The following VPS13B variants were observed in gnomAD, a reference collection of about 807,000 sequenced individuals.
The protein encoded by VPS13B is vacuolar protein sorting 13 homolog B.
A neutral mutation model predicts 426.4 loss-of-function variants in VPS13B; 285 were observed. That is an observed-to-expected ratio of 0.67 (90% CI 0.61 to 0.74). The LOEUF is 0.74. Among genes scored for constraint, VPS13B ranks in the 30% least tolerant of loss-of-function variants. The pLI is 0.00. For synonymous variants in VPS13B, 1,676 were observed against 1,676.4 expected, an observed-to-expected ratio of 1.00 and a Z score of 0.01; for missense variants, 4,537 against 4,782.6, an observed-to-expected ratio of 0.95 and a Z score of 1.51.
At chr8:99,616,254 A>G (rs1314281493) in intron 33 of VPS13B, among the ~76,000 whole-genome samples, 1 of 152,172 alleles carries the variant, frequency 6.6e-6, no homozygotes, top group Admixed American at 6.5e-5. Flanking sequence ...TGCAACAAAT[A>G]TTTATTGTAT....
At chr8:99,060,154 A>AT (rs1487143534) in intron 3 of VPS13B, among the ~76,000 whole-genome samples, 1 of 152,058 alleles carries the variant, frequency 6.6e-6, no homozygotes, top group African/African-American at 2.4e-5. Context: ...GTGTAGGTAA[A>AT]TTTTTTTCAA....
intron 36 of VPS13B, among the ~76,000 whole-genome samples, chr8:99,709,151 C>T (rs16897581): frequency 0.1 from 15,667 of 152,118 alleles, 899 homozygotes; most frequent in African/African-American, 0.15. Flanking sequence ...AATCAGCTTC[C>T]GGATGTATCT....
intron 36 of VPS13B, among the ~76,000 whole-genome samples, chr8:99,713,105 T>C (rs992563802): frequency 2.0e-5 from 3 of 152,338 alleles, no homozygotes; most frequent in Middle Eastern, 3.4e-3. Context: ...TCCTGCATAA[T>C]AGAGATACCT....
chr8:99,206,529 A>G (rs964339308), intron 17 of VPS13B, among the ~76,000 whole-genome samples: 1 of 152,210 alleles, frequency 6.6e-6, no homozygotes, highest in Non-Finnish European at 1.5e-5. Flanking sequence ...GTATGTCGTC[A>G]ACATTGACTT....
rs200288124 is a variant in VPS13B, at chr8:99,083,639, A to G, written c.292-12673A>G. On this transcript the variant is annotated intron_variant, in intron 3 of 61. Transcript: ENST00000357162. Reference sequence around the variant, plus strand: ...ATTTTGAGATATGTCCCATCGATACATAATTTATTGAGAGTTTTTAGCATG... The same window carrying G: ...ATTTTGAGATATGTCCCATCGATACGTAATTTATTGAGAGTTTTTAGCATG... Among the ~76,000 whole-genome samples the G allele has an allele frequency of 1.1e-4, 15 of 135,026 alleles. No individual in the cohort carries two copies. In the East Asian group the frequency reaches 3.1e-3, roughly 28 times the overall value. The allele number at this position is 135,026 out of a possible 152,430, so 88.6% of individuals were successfully genotyped here. A position where few individuals can be genotyped will look rare whatever the true frequency, so the allele number is the denominator to read the frequency against.
chr8:99,226,030 G>C (rs1024056194), intron 17 of VPS13B, among the ~76,000 whole-genome samples: 2 of 151,832 alleles, frequency 1.3e-5, no homozygotes, highest in African/African-American at 4.8e-5. Context: ...CTGCCAGCTC[G>C]GCCTCCTGTG....
intron 23 of VPS13B, among the ~76,000 whole-genome samples, chr8:99,461,897 A>T (rs1447035420): frequency 6.6e-6 from 1 of 152,162 alleles, no homozygotes; most frequent in Non-Finnish European, 1.5e-5. Flanking sequence ...TTCTACCACT[A>T]GAATGCAAGC....
At chr8:99,391,529 A>G in intron 20 of VPS13B, 28 bp from the exon 21 acceptor site, 5 of 1,614,022 alleles carry the variant, frequency 3.1e-6, no homozygotes, top group Non-Finnish European at 4.2e-6. Flanking sequence ...CTAAAAACTA[A>G]AAAGGTTTTC....
At chr8:99,103,448 G>C (rs1588039447) in intron 5 of VPS13B, among the ~76,000 whole-genome samples, 1 of 144,528 alleles carries the variant, frequency 6.9e-6, no homozygotes, top group Middle Eastern at 4.0e-3. Flanking sequence ...TCTCACCTCA[G>C]ACTCTTGAGT....
chr8:99,039,381 C>T (rs551515948), intron 3 of VPS13B, among the ~76,000 whole-genome samples: 2 of 152,106 alleles, frequency 1.3e-5, no homozygotes, highest in South Asian at 4.1e-4. Context: ...TCTTACATTT[C>T]TTGCTAGTGT....
chr8:99,028,696 G>T (rs1362553074), intron 2 of VPS13B, among the ~76,000 whole-genome samples: 2 of 141,086 alleles, frequency 1.4e-5, no homozygotes, highest in Admixed American at 6.9e-5. Context: ...CCTCCCGGAC[G>T]GGGCGGCTGG....
intron 33 of VPS13B, among the ~76,000 whole-genome samples, chr8:99,599,115 G>A (rs1232663991): frequency 6.6e-6 from 1 of 151,894 alleles, no homozygotes; most frequent in Non-Finnish European, 1.5e-5. Context: ...TCTCTATGAA[G>A]CATGATAAAT....
At chr8:99,760,128 C>G (rs1368678068) in intron 39 of VPS13B, among the ~76,000 whole-genome samples, 1 of 151,818 alleles carries the variant, frequency 6.6e-6, no homozygotes, top group Non-Finnish European at 1.5e-5. Flanking sequence ...AGGCGCCCAC[C>G]ACCACACCTG....
At chr8:99,523,834 G>A (rs1474166978) in intron 30 of VPS13B, among the ~76,000 whole-genome samples, 4 of 152,064 alleles carry the variant, frequency 2.6e-5, no homozygotes, top group African/African-American at 9.7e-5. Flanking sequence ...CCCAGACATC[G>A]ATGAACATTC....
chr8:99,760,995 G>T (rs1810900778), intron 39 of VPS13B, among the ~76,000 whole-genome samples: 1 of 152,048 alleles, frequency 6.6e-6, no homozygotes, highest in Admixed American at 6.6e-5. Context: ...GGTATCTGTA[G>T]GTAGTCCCAG....
At chr8:99,829,262 A>G (rs991926163) in intron 51 of VPS13B, among the ~76,000 whole-genome samples, 1 of 152,134 alleles carries the variant, frequency 6.6e-6, no homozygotes, top group Admixed American at 6.5e-5. Flanking sequence ...GTCTTTTCAC[A>G]TAGTCCCATA....
At chr8:99,348,290 A>C (rs1811658318) in intron 19 of VPS13B, 1 of 152,202 alleles carries the variant, frequency 6.6e-6, no homozygotes, top group African/African-American at 2.4e-5. Context: ...CAGGGTTACT[A>C]ATAGAGTATG....
intron 34 of VPS13B, among the ~76,000 whole-genome samples, chr8:99,654,141 C>T (rs761694115): frequency 3.9e-5 from 6 of 151,952 alleles, no homozygotes; most frequent in Non-Finnish European, 7.4e-5. Context: ...CTCTGCCTCC[C>T]GGGTTCACAC....
chr8:99,054,337 T>C (rs1287274305), intron 3 of VPS13B, among the ~76,000 whole-genome samples: 4 of 152,246 alleles, frequency 2.6e-5, no homozygotes, highest in Non-Finnish European at 4.4e-5. Flanking sequence ...CCGACACTTA[T>C]TTTCTGTTCT....
Sources: gnomAD v4.1 joint callset for allele counts (sites outside exome capture counted in the v4.1 genomes callset) on GRCh38, gnomAD v4.1.1 for gene constraint, MANE v1.5 for transcripts, NCBI Gene and HGNC (gene_info 2026-07-23, HGNC 2026-07-21) for gene names.